Variants in SUSD1 observed in about 807,000 individuals in gnomAD.
SUSD1 encodes the protein sushi domain containing 1, also known as sushi domain-containing protein 1.
SUSD1 carries 65 observed loss-of-function variants against 86.9 expected under a neutral mutation model. The ratio of observed to expected loss-of-function variants is 0.75; its 90% CI spans 0.61 to 0.92. The LOEUF is 0.92. SUSD1 is among the 40% of genes least tolerant of loss of function. SUSD1 has a pLI of 0.00. For missense variants in SUSD1, 850 were observed against 929.7 expected, an observed-to-expected ratio of 0.91 and a Z score of 1.11; for synonymous variants, 346 against 350.0, an observed-to-expected ratio of 0.99 and a Z score of 0.13.
chr9:112,100,249 C>T lies in SUSD1; in HGVS notation c.1282-1587G>A, dbSNP rs375722822. ...TCGCCCAGGCTGGAGTACAGTGGTG[C>T]GATCTTGGCTCACTGCAAGCTCCAC... On this transcript the variant is annotated intron_variant, in intron 9 of 16. Transcript: ENST00000374270. Among the ~76,000 whole-genome samples, 184 of 152,002 alleles carry T rather than the reference C, an allele frequency of 1.2e-3. 4 individuals are homozygous for T. The South Asian group carries it at 0.036, about 30-fold the overall frequency.
At chr9:112,172,652 C>T (rs1834093858) in intron 1 of SUSD1, among the ~76,000 whole-genome samples, 1 of 152,216 alleles carries the variant, frequency 6.6e-6, no homozygotes, top group South Asian at 2.1e-4. Context: ...AGTCACCCAG[C>T]CCCCAAGCCT....
chr9:112,102,078 G>T, intron 9 of SUSD1, 98 bp downstream of exon 9: 1 of 607,414 alleles, frequency 1.6e-6, no homozygotes, highest in Non-Finnish European at 2.8e-6. Context: ...CTGTCTAGAA[G>T]TTCATTCATT....
intron 1 of SUSD1, among the ~76,000 whole-genome samples, chr9:112,171,848 T>A (rs542009675): frequency 6.6e-6 from 1 of 152,320 alleles, no homozygotes; most frequent in South Asian, 2.1e-4. Context: ...TTGGACTGAC[T>A]TGACCAGCCC....
In SUSD1 at chr9:112,113,263, C is replaced by A. The variant is rs768321376; in HGVS notation, c.887-395G>T. On this transcript the variant is annotated intron_variant, in intron 6 of 16. Transcript: ENST00000374270. The surrounding 1 kb of genome is among the most constrained non-coding windows in gnomAD (Gnocchi z 4.1). ...CCTACTTCCACCTTTCTCTTCCCAG[C>A]AGAATGATGGGAAACTCCTTCAAGT... Among the ~76,000 whole-genome samples the A allele has an allele frequency of 6.6e-6, 1 of 152,136 alleles. No homozygotes were observed. The highest frequency in any genetic ancestry group is 2.1e-4 in the South Asian group (1 of 4,832).
rs147084640 is a variant in SUSD1 at position 112,062,982 on chromosome 9, G to A, written c.1805C>T (p.Pro602Leu). ...CTTGGCTTTCCTCAGTCTGAGGCGT[G>A]GTAGAGGTCCTCTGTGCACCGTAAA... The part of the protein sequence containing the change: ...EFFTVHRGPL[P>L]RLRLRKAKEK... Residue 602 changes from proline (P) to leucine (L), a missense_variant, in exon 13 of 17, where the codon CCA becomes CTA. Transcript: ENST00000374270. 1.8e-5 allele frequency: 29 copies of A among 1,613,518 alleles called. No homozygotes were observed. Among genetic ancestry groups the A allele is most frequent in the Non-Finnish European group, 2.5e-5 (29 of 1,179,714 alleles).
At chr9:112,114,535 T>C (rs940427194) in intron 6 of SUSD1, among the ~76,000 whole-genome samples, 3 of 152,102 alleles carry the variant, frequency 2.0e-5, no homozygotes, top group African/African-American at 7.2e-5. Context: ...GAAGCTATCA[T>C]ATAATTATTC....
rs1343881948 is a variant in SUSD1 at position 112,150,659 on chromosome 9, T to C, written c.218-1260A>G. On this transcript the variant is annotated intron_variant, in intron 2 of 16. Coordinates refer to ENST00000374270, the MANE Select transcript of SUSD1 (RefSeq NM_022486.5). ...CATAGCCAACTACACACTTAGGTTATATGGTAGAGTGTAGTGCTCCTAGGC... is the reference window on the plus strand; with the variant it reads ...CATAGCCAACTACACACTTAGGTTACATGGTAGAGTGTAGTGCTCCTAGGC... 3.9e-5 allele frequency among the ~76,000 whole-genome samples: 6 copies of C among 152,352 alleles called. No homozygotes were observed. The East Asian group carries it at 1.2e-3, about 29-fold the overall frequency.
intron 14 of SUSD1, among the ~76,000 whole-genome samples, chr9:112,055,879 T>A (rs947822401): frequency 2.0e-5 from 3 of 152,192 alleles, no homozygotes; most frequent in Admixed American, 2.0e-4. Flanking sequence ...CTAGAAGACT[T>A]TAGGCTAAAT....
At chr9:112,057,238 G>A (rs558939317) in intron 14 of SUSD1, among the ~76,000 whole-genome samples, 20 of 152,116 alleles carry the variant, frequency 1.3e-4, no homozygotes, top group Non-Finnish European at 2.5e-4. Context: ...CTTGATCTTG[G>A]GCTTCCCAGC....
At chr9:112,081,277 T>C (rs1829756973) in intron 10 of SUSD1, among the ~76,000 whole-genome samples, 1 of 152,254 alleles carries the variant, frequency 6.6e-6, no homozygotes, top group African/African-American at 2.4e-5. Context: ...GGCTGTATTT[T>C]GTAACTCCCT....
chr9:112,107,431 A>G (rs1830899774), intron 8 of SUSD1, among the ~76,000 whole-genome samples: 1 of 152,116 alleles, frequency 6.6e-6, no homozygotes, highest in African/African-American at 2.4e-5. Context: ...CCTGGGCGAC[A>G]CAGCGAGATT....
intron 1 of SUSD1, among the ~76,000 whole-genome samples, chr9:112,160,893 A>C (rs973558591): frequency 6.6e-6 from 1 of 152,242 alleles, no homozygotes; most frequent in Non-Finnish European, 1.5e-5. Flanking sequence ...CGCACAAAAC[A>C]GAATTTTACG....
At chr9:112,151,899 T>C (rs1833064361) in intron 2 of SUSD1, among the ~76,000 whole-genome samples, 1 of 152,058 alleles carries the variant, frequency 6.6e-6, no homozygotes, top group Non-Finnish European at 1.5e-5. Flanking sequence ...CCGGGCACAG[T>C]GGTACATGCC....
At chr9:112,111,486 A>T (rs1831094145) in intron 8 of SUSD1, among the ~76,000 whole-genome samples, 168 bp downstream of exon 8, 1 of 152,162 alleles carries the variant, frequency 6.6e-6, no homozygotes, top group African/African-American at 2.4e-5. Flanking sequence ...TACCAAGAGG[A>T]TACGGATCTC....
intron 1 of SUSD1, among the ~76,000 whole-genome samples, chr9:112,166,747 C>T (rs1833842737): frequency 6.6e-6 from 1 of 152,012 alleles, no homozygotes; most frequent in Admixed American, 6.6e-5. Flanking sequence ...TTAGTTCTGT[C>T]GTCAGCATAC....
Position 112,124,364 on chromosome 9 carries a change from C to A in SUSD1, c.779G>T (p.Gly260Val). Residue 260 changes from glycine (G) to valine (V), a missense_variant, in exon 6 of 17, where the codon GGT becomes GTT. Coordinates refer to ENST00000374270, the MANE Select transcript of SUSD1 (RefSeq NM_022486.5). ...LVGNHSSRLG[G>V]VARYVCQEGF... ...CTCTTGACAGACATAGCGAGCCACA[C>A]CGCCCAGCCTGGAGCTGTGATTTCC... The A allele has an allele frequency of 1.2e-6, 2 of 1,614,190 alleles. No homozygotes were observed. The highest frequency in any genetic ancestry group is 1.7e-6 in the Non-Finnish European group (2 of 1,180,006).
intron 15 of SUSD1, chr9:112,052,165 C>T (rs1251134190): frequency 3.4e-5 from 50 of 1,462,940 alleles, no homozygotes; most frequent in Non-Finnish European, 4.5e-5. Context: ...GGTGTTGAGT[C>T]CCCAGTCCCA....
At chr9:112,172,529 A>T (rs768393418) in intron 1 of SUSD1, among the ~76,000 whole-genome samples, 1 of 152,314 alleles carries the variant, frequency 6.6e-6, no homozygotes, top group Non-Finnish European at 1.5e-5. Context: ...GCAACCATCA[A>T]GTCTATTGAT....
chr9:112,120,832 A>T (rs1368214282), intron 6 of SUSD1, among the ~76,000 whole-genome samples: 1 of 152,214 alleles, frequency 6.6e-6, no homozygotes, highest in Non-Finnish European at 1.5e-5. Context: ...TTATACCCCC[A>T]TTGACTGCTG....
Sources: gnomAD v4.1 joint callset for allele counts (sites outside exome capture counted in the v4.1 genomes callset) on GRCh38, gnomAD v4.1.1 for gene constraint, Gnocchi (gnomAD v3.1) non-coding constraint, MANE v1.5 for transcripts, NCBI Gene and HGNC (gene_info 2026-07-23, HGNC 2026-07-21) for gene names.